Variants in BCAR3 observed in about 807,000 individuals in gnomAD.
BCAR3 encodes breast cancer anti-estrogen resistance protein 3.
Under a neutral mutation model 80.1 loss-of-function variants are expected in BCAR3, and 37 were observed. The ratio of observed to expected loss-of-function variants is 0.46; its 90% CI spans 0.36 to 0.61. BCAR3 has a LOEUF of 0.61. BCAR3 is among the 20% of genes least tolerant of loss of function. The probability of loss-of-function intolerance (pLI) is 0.00; values close to 1 mark genes in which losing one functional copy is unlikely to be tolerated. For synonymous variants in BCAR3, 389 were observed against 418.9 expected (o/e 0.93, Z 0.87); for missense variants, 978 against 1,068.2 (o/e 0.92, Z 1.18).
chr1:93,759,796 A>C (rs1289909165), intron 2 of BCAR3, among the ~76,000 whole-genome samples: 2 of 151,996 alleles, frequency 1.3e-5, no homozygotes, highest in Non-Finnish European at 2.9e-5. Flanking sequence ...GGTGCTGCTG[A>C]GGTCCAGGGC....
rs1320259338 is a variant in BCAR3, at chr1:93,567,777, C to CTGTT, written c.2045_2048dup (p.Leu684ThrfsTer11). The CTGTT allele has an allele frequency of 6.2e-7, 1 of 1,614,234 alleles. No homozygotes were observed. Reference sequence around the variant, plus strand: ...GCAGGAGTTTGCTGAAGGGCTTCAGCTGTTTCTCATAGAGAATGGCAGTTT... The same window carrying CTGTT: ...GCAGGAGTTTGCTGAAGGGCTTCAGCTGTTTGTTTCTCATAGAGAATGGCAGTTT... On this transcript the variant is annotated frameshift_variant, in exon 10 of 12. Transcript: ENST00000260502. LOFTEE classifies it high-confidence loss of function.
intron 3 of BCAR3, among the ~76,000 whole-genome samples, chr1:93,700,099 C>T (rs868302849): frequency 2.0e-5 from 3 of 152,234 alleles, no homozygotes; most frequent in African/African-American, 7.2e-5. Flanking sequence ...TTCCTCCACC[C>T]TGGGGGCTCA....
intron 2 of BCAR3, chr1:93,845,480 A>ATC (rs1557708409): frequency 5.6e-4 from 2 of 3,542 alleles, no homozygotes. Flanking sequence ...ATATATATAT[A>ATC]TATATATATA....
chr1:93,784,443 A>G (rs2100764566), intron 2 of BCAR3, among the ~76,000 whole-genome samples: 1 of 152,238 alleles, frequency 6.6e-6, no homozygotes, highest in South Asian at 2.1e-4. Flanking sequence ...GAGGAGTAAA[A>G]CCACAGACCT....
intron 2 of BCAR3, chr1:93,845,462 T>TGA (rs1655121036): frequency 1.2e-4 from 10 of 80,172 alleles, no homozygotes; most frequent in African/African-American, 5.9e-4. Flanking sequence ...CATAACAATT[T>TGA]TATATATATA....
chr1:93,690,256 A>G (rs1462369231), intron 3 of BCAR3, among the ~76,000 whole-genome samples: 1 of 152,194 alleles, frequency 6.6e-6, no homozygotes, highest in African/African-American at 2.4e-5. Context: ...CTGACTGGTG[A>G]GCACAAAGGG....
At chr1:93,816,606 GGTTGCA>G (rs966204433) in intron 2 of BCAR3, among the ~76,000 whole-genome samples, 3 of 147,122 alleles carry the variant, frequency 2.0e-5, no homozygotes, top group African/African-American at 7.5e-5. Flanking sequence ...AGGAGGCGGA[GGTTGCA>G]GTGAGCCAAG....
intron 2 of BCAR3, among the ~76,000 whole-genome samples, chr1:93,767,227 T>C (rs1652185587): frequency 6.6e-6 from 1 of 151,950 alleles, no homozygotes; most frequent in Non-Finnish European, 1.5e-5. Context: ...TGTCTAAGAG[T>C]ATTTATACTT....
At chr1:93,810,766 T>A (rs1653814726) in intron 2 of BCAR3, among the ~76,000 whole-genome samples, 1 of 152,140 alleles carries the variant, frequency 6.6e-6, no homozygotes, top group Non-Finnish European at 1.5e-5. Context: ...TTCTGACTAG[T>A]GGAATTGAGT....
rs928913070 is a variant in BCAR3, at chr1:93,799,686, A to G, written c.-63+45881T>C. Among the ~76,000 whole-genome samples, 4 of 152,250 alleles carry G rather than the reference A, an allele frequency of 2.6e-5. 1 individual carries two copies. The highest frequency in any genetic ancestry group is 4.1e-4 in the South Asian group (2 of 4,832). On this transcript the variant is annotated intron_variant, in intron 2 of 13. Coordinates refer to the BCAR3 transcript ENST00000370244. ...TTACAATCATGAAGAATGGAAAAGC[A>G]TAACAAGAGATCATCCACATACTGA...
intron 2 of BCAR3, among the ~76,000 whole-genome samples, chr1:93,714,690 C>T (rs1036349183): frequency 1.3e-5 from 2 of 151,938 alleles, no homozygotes; most frequent in Admixed American, 6.6e-5. Context: ...CTAATCACAA[C>T]TAAGACCGCC....
rs1557830373 is a variant in BCAR3 at position 93,562,557 on chromosome 1, CAGG to C, written c.2300-141_2300-139del. On this transcript the variant is annotated intron_variant, in intron 11 of 11. Coordinates refer to ENST00000260502, the MANE Select transcript of BCAR3 (RefSeq NM_003567.4). Reference sequence around the variant, plus strand: ...GGCCGAGGTGGGTGGATCACAAGATCAGGAGATCGAGACCATCCTGGCTAACAC... The same window carrying C: ...GGCCGAGGTGGGTGGATCACAAGATCAGATCGAGACCATCCTGGCTAACAC... The C allele has an allele frequency of 4.6e-6, 3 of 647,202 alleles. No individual in the cohort carries two copies. The African/African-American group carries it at 5.5e-5, about 12-fold the overall frequency. 40.1% of individuals were successfully genotyped at this position (647,202 alleles called of 1,614,324 possible). A position where few individuals can be genotyped will look rare whatever the true frequency, so the allele number is the denominator to read the frequency against.
intron 3 of BCAR3, among the ~76,000 whole-genome samples, chr1:93,687,547 T>C (rs1649017476): frequency 6.6e-6 from 1 of 152,170 alleles, no homozygotes; most frequent in South Asian, 2.1e-4. Context: ...CCTCAAATGA[T>C]CCACCCACCC....
intron 2 of BCAR3, among the ~76,000 whole-genome samples, chr1:93,767,121 A>G (rs1652182174): frequency 6.6e-6 from 1 of 152,226 alleles, no homozygotes; most frequent in South Asian, 2.1e-4. Flanking sequence ...GAGACTATCA[A>G]GATCCATCTT....
intron 2 of BCAR3, among the ~76,000 whole-genome samples, chr1:93,722,066 G>A (rs562901015): frequency 1.7e-4 from 26 of 152,318 alleles, no homozygotes; most frequent in Middle Eastern, 6.8e-3. Flanking sequence ...GACAATGGGT[G>A]TGTGGGGACT....
At chr1:93,781,112 C>A (rs1652747453) in intron 2 of BCAR3, among the ~76,000 whole-genome samples, 1 of 152,244 alleles carries the variant, frequency 6.6e-6, no homozygotes, top group South Asian at 2.1e-4. Flanking sequence ...AAGCACCTGC[C>A]CCTAGTCCAC....
chr1:93,563,529 A>T (rs980718040), intron 11 of BCAR3, among the ~76,000 whole-genome samples: 1 of 152,104 alleles, frequency 6.6e-6, no homozygotes, highest in African/African-American at 2.4e-5. Flanking sequence ...ATGTGTTTTC[A>T]TTTCTCTAGG....
intron 2 of BCAR3, among the ~76,000 whole-genome samples, chr1:93,818,493 G>A (rs541372546): frequency 1.5e-3 from 233 of 152,326 alleles, no homozygotes; most frequent in African/African-American, 5.2e-3. Flanking sequence ...TGTCTCCAGA[G>A]CGGAAGTGTC....
At chr1:93,731,086 A>G (rs1270498499) in intron 2 of BCAR3, among the ~76,000 whole-genome samples, 3 of 152,344 alleles carry the variant, frequency 2.0e-5, no homozygotes, top group African/African-American at 7.2e-5. Flanking sequence ...ACAATCTACA[A>G]AACACCTGAC....
Sources: gnomAD v4.1 joint callset for allele counts (sites outside exome capture counted in the v4.1 genomes callset) on GRCh38, gnomAD v4.1.1 for gene constraint, MANE v1.5 for transcripts, NCBI Gene and HGNC (gene_info 2026-07-23, HGNC 2026-07-21) for gene names.